Variants in PDE4B observed in about 807,000 individuals in gnomAD.
PDE4B encodes phosphodiesterase 4B, also known as 3',5'-cyclic-AMP phosphodiesterase 4B.
A neutral mutation model predicts 82.2 loss-of-function variants in PDE4B; 20 were observed. The ratio of observed to expected loss-of-function variants is 0.24; its 90% CI spans 0.17 to 0.35. The LOEUF is 0.35. Among genes scored for constraint, PDE4B ranks in the 10% least tolerant of loss-of-function variants. The pLI, the probability that PDE4B is intolerant of heterozygous loss-of-function variation, is 1.00. For missense variants in PDE4B, 655 were observed against 907.2 expected (o/e 0.72, Z 3.57); for synonymous variants, 320 against 318.9 (o/e 1.00, Z -0.04).
intron 7 of PDE4B, among the ~76,000 whole-genome samples, chr1:66,316,262 C>T (rs187140841): frequency 1.3e-5 from 2 of 152,160 alleles, no homozygotes; most frequent in Non-Finnish European, 2.9e-5. Flanking sequence ...TTAATATTCC[C>T]TTGTTTACTA....
At chr1:66,362,253 T>C (rs1662838542) in intron 10 of PDE4B, among the ~76,000 whole-genome samples, 1 of 152,046 alleles carries the variant, frequency 6.6e-6, no homozygotes, top group African/African-American at 2.4e-5. Flanking sequence ...CAAGGACCAA[T>C]GGGAAAATCT....
intron 7 of PDE4B, among the ~76,000 whole-genome samples, chr1:66,326,603 C>T (rs1297698070): frequency 6.6e-6 from 1 of 152,144 alleles, no homozygotes; most frequent in African/African-American, 2.4e-5. Flanking sequence ...CAAATAGTTA[C>T]CACCTTCTCT....
chr1:66,211,002 G>T (rs577987087), intron 3 of PDE4B, among the ~76,000 whole-genome samples: 1 of 152,166 alleles, frequency 6.6e-6, no homozygotes, highest in Non-Finnish European at 1.5e-5. Flanking sequence ...CAGCCTAGAG[G>T]TGTGGACCAA....
At chr1:66,162,810 G>A (rs890943184) in intron 3 of PDE4B, among the ~76,000 whole-genome samples, 23 of 152,130 alleles carry the variant, frequency 1.5e-4, no homozygotes, top group Non-Finnish European at 8.8e-5. Flanking sequence ...GTGTATGAAT[G>A]AGGTGGTGCT....
intron 7 of PDE4B, among the ~76,000 whole-genome samples, chr1:66,299,969 T>G (rs1326669787): frequency 6.6e-6 from 1 of 152,202 alleles, no homozygotes; most frequent in Non-Finnish European, 1.5e-5. Flanking sequence ...ATATATGTTA[T>G]AATATGAATT....
chr1:65,960,423 T>C (rs1246711236), intron 3 of PDE4B, among the ~76,000 whole-genome samples: 1 of 152,080 alleles, frequency 6.6e-6, no homozygotes, highest in East Asian at 1.9e-4. Context: ...AGATTGTCTG[T>C]GATTGCTGAG....
At chr1:66,017,055 C>G (rs1557500085) in intron 3 of PDE4B, among the ~76,000 whole-genome samples, 1 of 152,168 alleles carries the variant, frequency 6.6e-6, no homozygotes, top group Non-Finnish European at 1.5e-5. Context: ...TAGGTTGGAA[C>G]AGGAGGGCTG....
chr1:65,908,775 G>A (rs929870551), intron 1 of PDE4B, among the ~76,000 whole-genome samples: 7 of 152,124 alleles, frequency 4.6e-5, no homozygotes, highest in Non-Finnish European at 8.8e-5. Context: ...CCCGTTACAG[G>A]AAGGGCCTCA....
chr1:66,187,238 T>G (rs1278619682), intron 3 of PDE4B, among the ~76,000 whole-genome samples: 1 of 151,938 alleles, frequency 6.6e-6, no homozygotes, highest in Non-Finnish European at 1.5e-5. Context: ...AGTTTGCCAG[T>G]ATTTTACTGA....
intron 12 of PDE4B, among the ~76,000 whole-genome samples, chr1:66,363,962 C>G (rs368930980): frequency 5.3e-5 from 8 of 152,198 alleles, no homozygotes; most frequent in African/African-American, 1.9e-4. Flanking sequence ...GTAACCTTCC[C>G]TTTACATCTC....
intron 3 of PDE4B, among the ~76,000 whole-genome samples, chr1:66,121,274 G>T (rs72667481): frequency 0.094 from 14,241 of 152,170 alleles, 947 homozygotes; most frequent in Non-Finnish European, 0.13. Context: ...TTTTGCAGTG[G>T]TAATGGGGGA....
At chr1:66,105,002 GAAGT>G (rs1645314553) in intron 3 of PDE4B, among the ~76,000 whole-genome samples, 3 of 151,976 alleles carry the variant, frequency 2.0e-5, no homozygotes, top group African/African-American at 7.2e-5. Flanking sequence ...TTTTAGACAT[GAAGT>G]CCTTGCCCAT....
intron 1 of PDE4B, among the ~76,000 whole-genome samples, chr1:65,888,517 G>A (rs1241891593): frequency 6.6e-6 from 1 of 152,000 alleles, no homozygotes; most frequent in East Asian, 1.9e-4. Flanking sequence ...GAATTATATT[G>A]AATCTGCAAA....
At chr1:65,986,687 A>G (rs903046054) in intron 3 of PDE4B, among the ~76,000 whole-genome samples, 1 of 152,186 alleles carries the variant, frequency 6.6e-6, no homozygotes, top group African/African-American at 2.4e-5. Context: ...TGGGGAGCTG[A>G]GATTACAGGA....
chr1:65,941,998 A>T (rs1648471105), intron 3 of PDE4B, among the ~76,000 whole-genome samples: 1 of 152,006 alleles, frequency 6.6e-6, no homozygotes, highest in South Asian at 2.1e-4. Flanking sequence ...CATACCCAAA[A>T]CACTATTTTT....
intron 1 of PDE4B, among the ~76,000 whole-genome samples, chr1:65,908,152 G>C (rs889749317): frequency 3.3e-5 from 5 of 152,106 alleles, no homozygotes; most frequent in Non-Finnish European, 7.4e-5. Flanking sequence ...TATCCCTTAG[G>C]CTCCAGTTAG....
chr1:65,826,851 G>A (rs974267136), intron 1 of PDE4B, among the ~76,000 whole-genome samples: 2 of 152,074 alleles, frequency 1.3e-5, no homozygotes, highest in African/African-American at 2.4e-5. Flanking sequence ...AGCTGAATCA[G>A]AATATTAGAT....
intron 1 of PDE4B, among the ~76,000 whole-genome samples, chr1:65,802,249 C>A (rs1232064880): frequency 6.6e-6 from 1 of 152,120 alleles, no homozygotes; most frequent in Non-Finnish European, 1.5e-5. Flanking sequence ...AATTGGGCTC[C>A]TTCCTGCTTT....
intron 9 of PDE4B, among the ~76,000 whole-genome samples, chr1:66,359,927 T>A (rs1399205226): frequency 6.6e-6 from 1 of 152,160 alleles, no homozygotes; most frequent in Non-Finnish European, 1.5e-5. Flanking sequence ...AGCAAAGTAA[T>A]TGCAAAATAA....
Sources: gnomAD v4.1 joint callset for allele counts (sites outside exome capture counted in the v4.1 genomes callset) on GRCh38, gnomAD v4.1.1 for gene constraint, MANE v1.5 for transcripts, NCBI Gene and HGNC (gene_info 2026-07-23, HGNC 2026-07-21) for gene names.